The following STAG1 variants were observed in gnomAD, a reference collection of about 807,000 sequenced individuals.
The protein encoded by STAG1 is cohesin subunit SA-1.
STAG1 carries 26 observed loss-of-function variants against 170.9 expected under a neutral mutation model. The ratio of observed to expected loss-of-function variants is 0.15; its 90% confidence interval spans 0.11 to 0.21. STAG1 has a LOEUF of 0.21. STAG1 is among the 10% of genes least tolerant of loss of function. The pLI is 1.00. For missense variants in STAG1, 964 were observed against 1,509.5 expected (o/e 0.64, Z 5.99); for synonymous variants, 514 against 497.7 (o/e 1.03, Z -0.44).
At chr3:136,422,313 C>A in intron 19 of STAG1, 97 bp downstream of exon 19, 5 of 1,173,048 alleles carry the variant, frequency 4.3e-6, no homozygotes, top group East Asian at 2.5e-5. Context: ...CAATTCTACT[C>A]AATTTCATTT....
At chr3:136,736,499 A>C in intron 1 of STAG1, 14 of 1,385,050 alleles carry the variant, frequency 1.0e-5, no homozygotes, top group Non-Finnish European at 1.4e-5. Flanking sequence ...GTGGTCATTC[A>C]CGCTGCTCCA....
chr3:136,471,448 A>C (rs1254155365), intron 12 of STAG1, among the ~76,000 whole-genome samples: 6 of 152,196 alleles, frequency 3.9e-5, no homozygotes, highest in African/African-American at 1.4e-4. Context: ...AAAGACAAAG[A>C]GGAGAAAATG....
At position 136,423,009 on chromosome 3, in the gene STAG1, A is replaced by G; in HGVS notation, c.1686T>C (p.Asp562=). Residue 562 remains aspartate, a synonymous_variant, in exon 17 of 34, where the codon GAT becomes GAC. Transcript: ENST00000383202. ...AATGTTCAGTCAATTTGTTTCTATC[A>G]TCAATTTGAGTTTTCCTTTCTTTGG... ...LTAKERKTQI[D]DRNKLTEHFI... The G allele has an allele frequency of 6.2e-7, 1 of 1,608,552 alleles. No individual in the cohort carries two copies. Among genetic ancestry groups the G allele is most frequent in the Non-Finnish European group, 8.5e-7 (1 of 1,177,552 alleles).
rs547167624 is a variant in STAG1, at chr3:136,740,627, G to A, written c.-84+11568C>T. Among the ~76,000 whole-genome samples, 16 of 152,052 alleles carry A rather than the reference G, an allele frequency of 1.1e-4. No individual in the cohort carries two copies. In the South Asian group the frequency reaches 1.9e-3, roughly 18 times the overall value. Reference sequence around the variant, plus strand: ...CCCAAGTAGCTGGGACTACAGGTGCGCACTACCACACCTAACTAATTTTTT... The same window carrying A: ...CCCAAGTAGCTGGGACTACAGGTGCACACTACCACACCTAACTAATTTTTT... On this transcript the variant is annotated intron_variant, in intron 1 of 33. Transcript: ENST00000383202.
At chr3:136,578,605 T>C (rs1435222583) in intron 4 of STAG1, among the ~76,000 whole-genome samples, 2 of 152,244 alleles carry the variant, frequency 1.3e-5, no homozygotes, top group African/African-American at 2.4e-5. Flanking sequence ...TAGCCATTAA[T>C]TAGAGATACT....
chr3:136,338,134 A>G lies in STAG1; in HGVS notation c.*120T>C, dbSNP rs1240057668. On this transcript the variant is annotated 3_prime_UTR_variant, in exon 34 of 34. Coordinates refer to ENST00000383202, the MANE Select transcript of STAG1 (RefSeq NM_005862.3). Reference sequence around the variant, plus strand: ...CTGCAAAAAGGGATTGACCTTAATCATTTGATTAAAAAACAAATCAGATCA... The same window carrying G: ...CTGCAAAAAGGGATTGACCTTAATCGTTTGATTAAAAAACAAATCAGATCA... 4.3e-6 allele frequency: 3 copies of G among 694,556 alleles called. No individual in the cohort carries two copies. Among genetic ancestry groups the G allele is most frequent in the Non-Finnish European group, 7.5e-6 (3 of 397,698 alleles). 43.0% of individuals were successfully genotyped at this position (694,556 alleles called of 1,614,324 possible).
chr3:136,354,251 A>T (rs1936542412), intron 28 of STAG1, among the ~76,000 whole-genome samples: 1 of 152,234 alleles, frequency 6.6e-6, no homozygotes, highest in African/African-American at 2.4e-5. Context: ...ATATAGAATT[A>T]AAGTTTCTGT....
chr3:136,369,165 G>C lies in STAG1; in HGVS notation c.2488C>G (p.Leu830Val). 2 of 1,598,336 alleles carry C rather than the reference G, an allele frequency of 1.3e-6. No individual in the cohort carries two copies. Among genetic ancestry groups the C allele is most frequent in the Non-Finnish European group, 1.7e-6 (2 of 1,175,196 alleles). The change falls in exon 24 of 34, where the codon CTC becomes GTC. Residue 830 changes from leucine to valine, a missense_variant. By Grantham distance (32) the Leu-to-Val change is conservative. Coordinates refer to ENST00000383202, the MANE Select transcript of STAG1 (RefSeq NM_005862.3). The stretch of plus-strand genomic sequence containing the variant: ...AAAACGTGATCCATCACAAAACTGA[G>C]GAGTTCAGATTGGAGTCCAGTATCT... ...NPDTGLQSEL[L>V]SFVMDHVFID...
chr3:136,728,477 T>C (rs965536765), intron 1 of STAG1, among the ~76,000 whole-genome samples: 3 of 152,148 alleles, frequency 2.0e-5, no homozygotes, highest in African/African-American at 7.2e-5. Flanking sequence ...CTTTGGAAAG[T>C]CAACTAACTT....
intron 2 of STAG1, among the ~76,000 whole-genome samples, chr3:136,630,522 T>A (rs1228256323): frequency 6.6e-6 from 1 of 152,190 alleles, no homozygotes; most frequent in East Asian, 1.9e-4. Context: ...TACAAAGTAG[T>A]CATAAACAGC....
At chr3:136,441,030 CTTTTTTTTTTTT>C (rs68155305) in intron 15 of STAG1, among the ~76,000 whole-genome samples, 2 of 81,958 alleles carry the variant, frequency 2.4e-5, no homozygotes, top group Non-Finnish European at 4.8e-5. Flanking sequence ...ACCATCTTTC[CTTTTTTTTTTTT>C]TTTTTTTTGA....
intron 5 of STAG1, among the ~76,000 whole-genome samples, chr3:136,559,855 C>T: frequency 6.6e-6 from 1 of 152,130 alleles, no homozygotes; most frequent in Non-Finnish European, 1.5e-5. Context: ...AGAAGCTATA[C>T]AATGCCCAAC....
chr3:136,405,231 CTTTTT>C (rs554475207), intron 21 of STAG1, among the ~76,000 whole-genome samples: 105 of 60,884 alleles, frequency 1.7e-3, no homozygotes, highest in Non-Finnish European at 2.5e-3. Flanking sequence ...GAAAAAACCT[CTTTTT>C]TTTTTTTTTT....
chr3:136,639,575 T>C (rs779128357), intron 1 of STAG1, among the ~76,000 whole-genome samples: 1 of 152,172 alleles, frequency 6.6e-6, no homozygotes, highest in Non-Finnish European at 1.5e-5. Context: ...ATTCCAAAAA[T>C]GTCCTCTGGC....
intron 22 of STAG1, among the ~76,000 whole-genome samples, chr3:136,393,590 C>CTTT (rs774648941): frequency 1.8e-4 from 23 of 130,130 alleles, no homozygotes; most frequent in Admixed American, 2.4e-4. Flanking sequence ...TACGCTTCAT[C>CTTT]TTTTTTTTTT....
At chr3:136,392,368 TTTC>T (rs1460131914) in intron 22 of STAG1, among the ~76,000 whole-genome samples, 12 of 152,266 alleles carry the variant, frequency 7.9e-5, no homozygotes, top group African/African-American at 2.6e-4. Flanking sequence ...TCTATAAACT[TTTC>T]TTAATAACTG....
intron 6 of STAG1, among the ~76,000 whole-genome samples, chr3:136,534,087 C>T (rs1397136747): frequency 6.6e-6 from 1 of 152,072 alleles, no homozygotes; most frequent in African/African-American, 2.4e-5. Context: ...GAATAGATAA[C>T]CCAGAAATAA....
chr3:136,372,498 CTCT>C (rs2108299301), intron 23 of STAG1, among the ~76,000 whole-genome samples: 1 of 152,224 alleles, frequency 6.6e-6, no homozygotes, highest in East Asian at 1.9e-4. Flanking sequence ...TCATAGATAG[CTCT>C]TATTATTTTG....
intron 1 of STAG1, among the ~76,000 whole-genome samples, chr3:136,670,815 T>A (rs1300368569): frequency 2.6e-5 from 4 of 152,016 alleles, no homozygotes; most frequent in Non-Finnish European, 5.9e-5. Context: ...AGTAAAATCA[T>A]CTATATTAAC....
Sources: allele counts gnomAD v4.1 joint callset (sites outside exome capture counted in the v4.1 genomes callset), GRCh38; gene constraint gnomAD v4.1.1; transcripts MANE v1.5; gene names NCBI Gene and HGNC (gene_info 2026-07-23, HGNC 2026-07-21).